Variants in ERICH1 observed in about 807,000 individuals in gnomAD.
The protein encoded by ERICH1 is glutamate rich 1, also known as glutamate-rich protein 1.
A neutral mutation model predicts 39.6 loss-of-function variants in ERICH1; 56 were observed. The observed-to-expected ratio is 1.41, with a 90% CI of 1.14 to 1.77. The LOEUF (loss-of-function observed/expected upper bound fraction) is 1.77. ERICH1 is among the 40% of genes most tolerant of loss of function. The pLI is 0.00. For synonymous variants in ERICH1, 313 were observed against 223.6 expected, an observed-to-expected ratio of 1.40 and a Z score of -3.57; for missense variants, 826 against 575.4, an observed-to-expected ratio of 1.44 and a Z score of -4.45.
chr8:730,030 C>T (rs1181825171), intron 1 of ERICH1, among the ~76,000 whole-genome samples: 2 of 152,158 alleles, frequency 1.3e-5, no homozygotes, highest in African/African-American at 4.8e-5. Context: ...GTCAGGTCTG[C>T]TCCTAAGAAC....
intron 2 of ERICH1, among the ~76,000 whole-genome samples, chr8:708,614 A>G (rs981326653): frequency 4.0e-5 from 6 of 150,584 alleles, no homozygotes; most frequent in African/African-American, 1.2e-4. Context: ...TATAAAGAAA[A>G]CAGATTAGTG....
chr8:679,829 C>G (rs971723396), intron 3 of ERICH1, among the ~76,000 whole-genome samples: 1 of 150,610 alleles, frequency 6.6e-6, no homozygotes, highest in Non-Finnish European at 1.5e-5. Context: ...GGAAGAAACG[C>G]AGCTGCCACC....
At chr8:671,251 G>A (rs1281514023) in intron 4 of ERICH1, among the ~76,000 whole-genome samples, 5 of 139,816 alleles carry the variant, frequency 3.6e-5, no homozygotes, top group Admixed American at 1.4e-4. Context: ...CTCTGAACCC[G>A]CTGGCCCCTG....
chr8:636,065 G>C (rs1233241052), intron 3 of ERICH1, among the ~76,000 whole-genome samples: 1 of 152,242 alleles, frequency 6.6e-6, no homozygotes, highest in Non-Finnish European at 1.5e-5. Flanking sequence ...CCATCTCTCA[G>C]AGAGGCAAAA....
At chr8:708,700 T>TTTTTG (rs1813995280) in intron 2 of ERICH1, among the ~76,000 whole-genome samples, 1 of 136,020 alleles carries the variant, frequency 7.4e-6, no homozygotes, top group Non-Finnish European at 1.6e-5. Flanking sequence ...TTTTTTTTTT[T>TTTTTG]TTTTTTTTTT....
At chr8:650,125 C>T (rs1303370021) in intron 3 of ERICH1, among the ~76,000 whole-genome samples, 1 of 152,220 alleles carries the variant, frequency 6.6e-6, no homozygotes, top group Non-Finnish European at 1.5e-5. Context: ...CGCTCCATGC[C>T]GGGAGCGCGC....
At chr8:670,657 C>G (rs1341711068) in intron 4 of ERICH1, among the ~76,000 whole-genome samples, 1 of 152,210 alleles carries the variant, frequency 6.6e-6, no homozygotes, top group Non-Finnish European at 1.5e-5. Flanking sequence ...TTCGGAGGCT[C>G]TCTGTGTGGC....
intron 1 of ERICH1, among the ~76,000 whole-genome samples, chr8:718,499 A>G (rs1365891523): frequency 6.6e-6 from 1 of 152,222 alleles, no homozygotes; most frequent in Non-Finnish European, 1.5e-5. Flanking sequence ...AAATGAAAAT[A>G]TCTGATATAG....
intron 2 of ERICH1, among the ~76,000 whole-genome samples, chr8:702,346 T>C (rs190646762): frequency 4.3e-4 from 65 of 151,830 alleles, no homozygotes; most frequent in Middle Eastern, 3.4e-3. Flanking sequence ...CGCCGGCGAG[T>C]CAAGTGAGCA....
At chr8:677,039 C>T (rs1431921147) in intron 3 of ERICH1, among the ~76,000 whole-genome samples, 1 of 152,232 alleles carries the variant, frequency 6.6e-6, no homozygotes. Context: ...CTATTCTCCT[C>T]TGTCTCAACA....
chr8:661,494 C>G (rs750409402), downstream of ERICH1, among the ~76,000 whole-genome samples: 1 of 152,170 alleles, frequency 6.6e-6, no homozygotes, highest in East Asian at 1.9e-4. Flanking sequence ...TATTGGCAAC[C>G]TGACAATTCC....
intron 2 of ERICH1, among the ~76,000 whole-genome samples, chr8:715,438 T>C (rs1249685722): frequency 2.6e-5 from 4 of 151,874 alleles, no homozygotes; most frequent in African/African-American, 9.7e-5. Flanking sequence ...GGGACAGACG[T>C]CTGCCAAAGA....
chr8:707,248 C>T (rs1312078867), intron 2 of ERICH1, among the ~76,000 whole-genome samples: 1 of 147,162 alleles, frequency 6.8e-6, no homozygotes, highest in Non-Finnish European at 1.5e-5. Flanking sequence ...CACTCTATCA[C>T]CCAGGCTGGA....
intron 2 of ERICH1, among the ~76,000 whole-genome samples, chr8:698,408 A>G (rs2335873): frequency 0.9 from 137,037 of 151,872 alleles, 61,920 homozygotes; most frequent in South Asian, 0.95. Flanking sequence ...TAGTAGAGAC[A>G]GGGTTTCACC....
intron 2 of ERICH1, among the ~76,000 whole-genome samples, chr8:707,935 C>T (rs550126930): frequency 5.9e-5 from 9 of 152,132 alleles, no homozygotes; most frequent in South Asian, 2.1e-4. Context: ...CAACCAATTC[C>T]GACAACTCAG....
At chr8:645,409 TTTGA>T (rs1799429685) in intron 3 of ERICH1, among the ~76,000 whole-genome samples, 2 of 69,494 alleles carry the variant, frequency 2.9e-5, no homozygotes, top group Admixed American at 1.2e-4. Context: ...TAGAAGATAC[TTTGA>T]TTATTTAGAA....
downstream of ERICH1, among the ~76,000 whole-genome samples, chr8:660,269 TG>T (rs1367758034): frequency 6.6e-6 from 1 of 152,262 alleles, no homozygotes; most frequent in African/African-American, 2.4e-5. Flanking sequence ...TGATGAGGCT[TG>T]GCAGTTGTTA....
intron 3 of ERICH1, among the ~76,000 whole-genome samples, chr8:644,088 G>C (rs1799327335): frequency 6.6e-6 from 1 of 152,242 alleles, no homozygotes; most frequent in Non-Finnish European, 1.5e-5. Flanking sequence ...ATCGGGGAAG[G>C]TGTCTGCTAT....
At chr8:644,377 T>A (rs1380861759) in intron 3 of ERICH1, among the ~76,000 whole-genome samples, 1 of 152,242 alleles carries the variant, frequency 6.6e-6, no homozygotes, top group East Asian at 1.9e-4. Flanking sequence ...CTTGTGACGC[T>A]GAAAAATTGT....
Sources: allele counts gnomAD v4.1 joint callset (sites outside exome capture counted in the v4.1 genomes callset), GRCh38; gene constraint gnomAD v4.1.1; transcripts MANE v1.5; gene names NCBI Gene and HGNC (gene_info 2026-07-23, HGNC 2026-07-21).